The following CNIH1 variants were observed in gnomAD, a reference collection of about 807,000 sequenced individuals.
CNIH1 encodes cornichon family member 1.
In CNIH1, 12 loss-of-function variants were observed where a neutral mutation model predicts 20.2. The observed-to-expected ratio is 0.59, with a 90% CI of 0.38 to 0.96. The LOEUF (loss-of-function observed/expected upper bound fraction) is 0.96, where lower values mean the gene tolerates loss of function less well. Ranked by LOEUF, CNIH1 falls within the 40% of genes least tolerant of loss-of-function variation. The pLI, the probability that CNIH1 is intolerant of heterozygous loss-of-function variation, is 0.00. For missense variants in CNIH1, 152 were observed against 178.8 expected, an observed-to-expected ratio of 0.85 and a Z score of 0.85; for synonymous variants, 69 against 63.3, an observed-to-expected ratio of 1.09 and a Z score of -0.43.
At chr14:54,427,974 G>A (rs2030860054) in intron 4 of CNIH1, 133 bp from the exon 5 acceptor site, 7 of 880,868 alleles carry the variant, frequency 7.9e-6, no homozygotes, top group Middle Eastern at 2.9e-4. Flanking sequence ...AGTTCACAGT[G>A]ATTTTAATTT....
rs892380391 is a variant in CNIH1, at chr14:54,438,120, C to CAGGT, written c.82-1687_82-1684dup. On this transcript the variant is annotated intron_variant, in intron 1 of 4. Transcript: ENST00000216416. ...TCAGCCTCCGGAGTAGCTGGGACTA[C>CAGGT]AGGTGCATGCCACCATGCCTGGCTA... Among the ~76,000 whole-genome samples, 91 of 152,218 alleles carry CAGGT rather than the reference C, an allele frequency of 6.0e-4. 1 individual carries two copies. Among genetic ancestry groups the CAGGT allele is most frequent in the African/African-American group, 2.0e-3 (85 of 41,528 alleles).
At chr14:54,435,952 T>C in intron 2 of CNIH1, 1 of 593,754 alleles carries the variant, frequency 1.7e-6, no homozygotes, top group Non-Finnish European at 3.0e-6. Flanking sequence ...TGAAATTTCA[T>C]GAAATCATAA....
intron 2 of CNIH1, among the ~76,000 whole-genome samples, chr14:54,433,072 G>A (rs1272564869): frequency 6.6e-6 from 1 of 152,192 alleles, no homozygotes; most frequent in Admixed American, 6.5e-5. Context: ...ATGACCAGGA[G>A]TTAATGCTTT....
intron 1 of CNIH1, 79 bp downstream of exon 1, chr14:54,441,168 G>C: frequency 7.3e-7 from 1 of 1,363,376 alleles, no homozygotes; most frequent in Non-Finnish European, 9.6e-7. Flanking sequence ...GGCGGCCGTG[G>C]CGGCCCGGAC....
rs960685949 is a variant in CNIH1, at chr14:54,427,173, A to G, written c.*641T>C. ...GTAATTCAGCATATATTTTTATATC[A>G]TGTTTACTTATGCTTAAGAATTAAA... On this transcript the variant is annotated 3_prime_UTR_variant, in exon 5 of 5. Transcript: ENST00000216416. 6.6e-6 allele frequency: 1 copy of G among 152,220 alleles called. No individual in the cohort carries two copies. Among genetic ancestry groups the G allele is most frequent in the Non-Finnish European group, 1.5e-5 (1 of 68,024 alleles). The allele number at this position is 152,220 out of a possible 1,614,324, so 9.4% of individuals were successfully genotyped here.
At position 54,425,962 on chromosome 14, in the gene CNIH1, C is replaced by G. The variant is rs1195316086; in HGVS notation, c.*1852G>C. ...CAAGTAACAGCCCCAGGAAACCCAT[C>G]TGGATTATAGAAGACTTGGCCAGGT... is the stretch of plus-strand genomic sequence containing the variant. On this transcript the variant is annotated 3_prime_UTR_variant, in exon 5 of 5. Coordinates refer to ENST00000216416, the MANE Select transcript of CNIH1 (RefSeq NM_005776.3). 1 of 152,194 alleles carries G rather than the reference C, an allele frequency of 6.6e-6. No individual in the cohort carries two copies. The highest frequency in any genetic ancestry group is 1.5e-5 in the Non-Finnish European group (1 of 68,048). 9.4% of individuals were successfully genotyped at this position (152,194 alleles called of 1,614,324 possible).
At chr14:54,430,978 C>A (rs2030930364) in intron 3 of CNIH1, among the ~76,000 whole-genome samples, 1 of 151,964 alleles carries the variant, frequency 6.6e-6, no homozygotes, top group Non-Finnish European at 1.5e-5. Flanking sequence ...ACTACAGGCA[C>A]ACGCCACCAT....
At position 54,441,318 on chromosome 14, in the gene CNIH1, T is replaced by C. The variant is rs1447385673; in HGVS notation, c.10A>G (p.Thr4Ala). The change falls in exon 1 of 5, where the codon ACG (threonine) becomes GCG (alanine). Residue 4 changes from threonine (T) to alanine (A), a missense_variant. By Grantham distance (58) the Thr-to-Ala change is moderately conservative (BLOSUM62 0). Coordinates refer to ENST00000216416, the MANE Select transcript of CNIH1 (RefSeq NM_005776.3). ...AGCATGTAGCAGAAGGCCGCGAACG[T>C]GAACGCCATGGCTGGGGAGGAGGAG... MAF[T>A]FAAFCYMLAL... The C allele has an allele frequency of 1.9e-5, 28 of 1,512,014 alleles. No homozygotes were observed. In the Admixed American group the frequency reaches 5.9e-4, roughly 32 times the overall value. The allele number at this position is 1,512,014 out of a possible 1,614,324, so 93.7% of individuals were successfully genotyped here. A position where few individuals can be genotyped will look rare whatever the true frequency, so the allele number is the denominator to read the frequency against.
At chr14:54,441,132 G>A (rs977719815) in intron 1 of CNIH1, 115 bp downstream of exon 1, 8 of 1,124,602 alleles carry the variant, frequency 7.1e-6, no homozygotes, top group Non-Finnish European at 9.1e-6. Flanking sequence ...TGCCAGCCGG[G>A]CCGCATCCCC....
intron 2 of CNIH1, among the ~76,000 whole-genome samples, chr14:54,433,852 T>C (rs577008637): frequency 4.1e-4 from 62 of 152,168 alleles, no homozygotes; most frequent in Non-Finnish European, 8.1e-4. Flanking sequence ...ATAAAGATAA[T>C]CTACAACTCT....
At chr14:54,435,922 G>T (rs2031045787) in intron 2 of CNIH1, among the ~76,000 whole-genome samples, 1 of 152,144 alleles carries the variant, frequency 6.6e-6, no homozygotes. Flanking sequence ...GGGCCAGCAA[G>T]CATATATTTG....
In CNIH1 at chr14:54,441,368, G is replaced by C; in HGVS notation, c.-41C>G. The C allele has an allele frequency of 6.8e-7, 1 of 1,470,738 alleles. No homozygotes were observed. The highest frequency in any genetic ancestry group is 2.9e-5 in the East Asian group (1 of 35,046). 91.1% of individuals were successfully genotyped at this position (1,470,738 alleles called of 1,614,324 possible). On this transcript the variant is annotated 5_prime_UTR_variant, in exon 1 of 5. Transcript: ENST00000216416. ...GCGGGGAGCGGCGCCGTTGCCAGCG[G>C]AGAAAGGCGGCGCAGGGCCCTCTGG... is the stretch of plus-strand genomic sequence containing the variant.
chr14:54,430,446 A>G (rs2030911540), intron 3 of CNIH1, 42 bp from the exon 4 acceptor site: 3 of 1,562,594 alleles, frequency 1.9e-6, no homozygotes, highest in Middle Eastern at 1.7e-4. Context: ...AAAGGGCAGT[A>G]AATGTTCAGA....
intron 2 of CNIH1, among the ~76,000 whole-genome samples, chr14:54,432,992 A>G (rs2030979346): frequency 6.6e-6 from 1 of 152,196 alleles, no homozygotes; most frequent in Non-Finnish European, 1.5e-5. Flanking sequence ...CCCAAAAACA[A>G]AATAAACCTT....
Position 54,441,341 on chromosome 14 carries a change from G to T in CNIH1, c.-14C>A, listed in dbSNP as rs868538646. The T allele has an allele frequency of 1.7e-5, 26 of 1,491,292 alleles. No homozygotes were observed. The Middle Eastern group carries it at 2.1e-3, about 118-fold the overall frequency. The allele number at this position is 1,491,292 out of a possible 1,614,324, so 92.4% of individuals were successfully genotyped here. A position where few individuals can be genotyped will look rare whatever the true frequency, so the allele number is the denominator to read the frequency against. On this transcript the variant is annotated 5_prime_UTR_variant, in exon 1 of 5. Transcript: ENST00000216416. Reference sequence around the variant, plus strand: ...CGTGAACGCCATGGCTGGGGAGGAGGAGCGGGGAGCGGCGCCGTTGCCAGC... The same window carrying T: ...CGTGAACGCCATGGCTGGGGAGGAGTAGCGGGGAGCGGCGCCGTTGCCAGC...
At chr14:54,436,777 C>T (rs1413658240) in intron 1 of CNIH1, 2 of 455,730 alleles carry the variant, frequency 4.4e-6, no homozygotes, top group South Asian at 3.3e-5. Context: ...ATCCAAATTC[C>T]TCTTTATCCT....
At chr14:54,438,718 C>T (rs1453688458) in intron 1 of CNIH1, among the ~76,000 whole-genome samples, 1 of 152,200 alleles carries the variant, frequency 6.6e-6, no homozygotes, top group African/African-American at 2.4e-5. Flanking sequence ...CTGAAAGATA[C>T]TTCAACTACC....
rs564556406 is a variant in CNIH1 at position 54,425,817 on chromosome 14, A to C, written c.*1997T>G. The C allele has an allele frequency of 1.3e-5, 2 of 152,328 alleles. No homozygotes were observed. Among genetic ancestry groups the C allele is most frequent in the Admixed American group, 6.5e-5 (1 of 15,296 alleles). The allele number at this position is 152,328 out of a possible 1,614,324, so 9.4% of individuals were successfully genotyped here. A position where few individuals can be genotyped will look rare whatever the true frequency, so the allele number is the denominator to read the frequency against. ...AAAATGGCTTCCACAAATCCCAACC[A>C]GTAAACTTACTCCTGGAGAATATTC... On this transcript the variant is annotated 3_prime_UTR_variant, in exon 5 of 5. Coordinates refer to ENST00000216416, the MANE Select transcript of CNIH1 (RefSeq NM_005776.3).
At chr14:54,437,890 G>A (rs2031086769) in intron 1 of CNIH1, among the ~76,000 whole-genome samples, 1 of 151,840 alleles carries the variant, frequency 6.6e-6, no homozygotes, top group African/African-American at 2.4e-5. Flanking sequence ...ATAAGTACTT[G>A]TCTATAACAA....
Sources: allele counts gnomAD v4.1 joint callset (sites outside exome capture counted in the v4.1 genomes callset), GRCh38; gene constraint gnomAD v4.1.1; transcripts MANE v1.5; gene names NCBI Gene and HGNC (gene_info 2026-07-23, HGNC 2026-07-21).